SMG6: variants seen among roughly 807,000 people sequenced by gnomAD.
The protein encoded by SMG6 is telomerase-binding protein EST1A.
In SMG6, 66 loss-of-function variants were observed where a neutral mutation model predicts 142.2. The ratio of observed to expected loss-of-function variants is 0.46; its 90% CI spans 0.38 to 0.57. SMG6 has a LOEUF of 0.57. Ranked by LOEUF, SMG6 falls within the 20% of genes least tolerant of loss-of-function variation. The pLI is 0.00. For missense variants in SMG6, 1,793 were observed against 1,832.0 expected (o/e 0.98, Z 0.39); for synonymous variants, 779 against 702.4 (o/e 1.11, Z -1.72).
At chr17:2,230,750 G>A (rs2073467135) in intron 10 of SMG6, among the ~76,000 whole-genome samples, 1 of 152,190 alleles carries the variant, frequency 6.6e-6, no homozygotes, top group Non-Finnish European at 1.5e-5. Flanking sequence ...GGGAAAGAGG[G>A]CAGAGCTGAA....
Position 2,299,475 on chromosome 17 carries a change from C to T in SMG6, c.1278G>A (p.Glu426=). 1 of 1,614,160 alleles carries T rather than the reference C, an allele frequency of 6.2e-7. No individual in the cohort carries two copies. Among genetic ancestry groups the T allele is most frequent in the Non-Finnish European group, 8.5e-7 (1 of 1,180,032 alleles). The part of the protein sequence containing the change: ...TLSVNSAGSP[E]SAPLGPRLLF... Reference sequence around the variant, plus strand: ...AAAGCCGAGGTCCCAAAGGCGCGGACTCTGGAGAACCTGCTGAATTGACAG... The same window carrying T: ...AAAGCCGAGGTCCCAAAGGCGCGGATTCTGGAGAACCTGCTGAATTGACAG... Residue 426 remains glutamate (E), a synonymous_variant, in exon 2 of 19, where the codon GAG becomes GAA. Transcript: ENST00000263073. This position sits in a 1 kb window ranked among gnomAD's most constrained non-coding sequence, Gnocchi z 4.3.
At chr17:2,137,358 C>A (rs909070248) in intron 13 of SMG6, among the ~76,000 whole-genome samples, 1 of 152,106 alleles carries the variant, frequency 6.6e-6, no homozygotes, top group Non-Finnish European at 1.5e-5. Flanking sequence ...AGAACAAACA[C>A]CCTAACCTTG....
At chr17:2,088,452 G>C in intron 13 of SMG6, 1 of 985,398 alleles carries the variant, frequency 1.0e-6, no homozygotes, top group African/African-American at 1.7e-5. Context: ...GCCCCATTTA[G>C]AAGGAAATTG....
chr17:2,086,539 A>C (rs2068565816), intron 13 of SMG6, among the ~76,000 whole-genome samples: 1 of 152,176 alleles, frequency 6.6e-6, no homozygotes. Context: ...GTTTCACCAA[A>C]GCTATACTCT....
chr17:2,094,392 C>T (rs568801471), intron 13 of SMG6, among the ~76,000 whole-genome samples: 2 of 152,286 alleles, frequency 1.3e-5, no homozygotes, highest in African/African-American at 2.4e-5. Flanking sequence ...GCACGTGCCA[C>T]CACACCCAGC....
chr17:2,303,131 C>T (rs1236185507), intron 1 of SMG6: 53 of 985,448 alleles, frequency 5.4e-5, no homozygotes, highest in Non-Finnish European at 6.4e-5. Flanking sequence ...CGGATCCCTC[C>T]AGTGGCGCAG....
At position 2,299,989 on chromosome 17, in the gene SMG6, C is replaced by CGGTAGCGATTCCTT; in HGVS notation, c.750_763dup (p.Arg255GlnfsTer24). On this transcript the variant is annotated frameshift_variant, in exon 2 of 19. Coordinates refer to ENST00000263073, the MANE Select transcript of SMG6 (RefSeq NM_017575.5). LOFTEE classifies it high-confidence loss of function. The surrounding 1 kb of genome is among the most constrained non-coding windows in gnomAD (Gnocchi z 4.3). ...GCCAGCTGAGCTGGTGCTGCGCGTG[C>CGGTAGCGATTCCTT]GGTAGCGATTCCTTCGTTTGTCTGA... The CGGTAGCGATTCCTT allele has an allele frequency of 6.2e-7, 1 of 1,614,082 alleles. No individual in the cohort carries two copies. The highest frequency in any genetic ancestry group is 2.2e-5 in the East Asian group (1 of 44,888).
chr17:2,080,633 C>T (rs2068391792), intron 15 of SMG6, among the ~76,000 whole-genome samples: 1 of 151,398 alleles, frequency 6.6e-6, no homozygotes, highest in South Asian at 2.1e-4. Flanking sequence ...GCACTTTTTT[C>T]TTTTTTCTTT....
intron 10 of SMG6, among the ~76,000 whole-genome samples, chr17:2,222,867 A>G (rs1803892552): frequency 6.6e-6 from 1 of 152,170 alleles, no homozygotes. Context: ...ATGGCCTACA[A>G]CTGTATCCCT....
At chr17:2,257,737 G>A (rs2074215757) in intron 8 of SMG6, among the ~76,000 whole-genome samples, 1 of 151,920 alleles carries the variant, frequency 6.6e-6, no homozygotes, top group African/African-American at 2.4e-5. Flanking sequence ...AAATTTTCCT[G>A]GCTGGGCCTG....
chr17:2,210,290 T>TC (rs939582562), intron 10 of SMG6, among the ~76,000 whole-genome samples: 2 of 151,296 alleles, frequency 1.3e-5, no homozygotes, highest in African/African-American at 4.9e-5. Context: ...TCTTTTCTTT[T>TC]TTTTTTTTTT....
chr17:2,188,066 GA>G (rs1238507899), intron 11 of SMG6, among the ~76,000 whole-genome samples: 3 of 152,126 alleles, frequency 2.0e-5, no homozygotes, highest in African/African-American at 7.2e-5. Context: ...AGATAAAGGG[GA>G]AAACACAACG....
chr17:2,170,042 C>T (rs769113258), intron 13 of SMG6, among the ~76,000 whole-genome samples: 1 of 152,072 alleles, frequency 6.6e-6, no homozygotes, highest in Admixed American at 6.5e-5. Flanking sequence ...ACACAAGCAG[C>T]CCAAAAATCA....
At chr17:2,267,134 T>C (rs542608154) in intron 8 of SMG6, among the ~76,000 whole-genome samples, 12 of 152,300 alleles carry the variant, frequency 7.9e-5, no homozygotes, top group African/African-American at 2.2e-4. Context: ...TACAAAAGCA[T>C]AGGACTAATT....
intron 13 of SMG6, among the ~76,000 whole-genome samples, chr17:2,133,042 T>TA (rs2070175997): frequency 1.3e-5 from 2 of 152,080 alleles, no homozygotes; most frequent in Admixed American, 6.6e-5. Context: ...GCCAGGAGTT[T>TA]GAGACCAGCC....
chr17:2,295,186 T>A (rs893946738), intron 4 of SMG6, among the ~76,000 whole-genome samples: 3 of 152,100 alleles, frequency 2.0e-5, no homozygotes, highest in African/African-American at 7.2e-5. Context: ...CAAAAACATC[T>A]GTCCATCAGT....
intron 13 of SMG6, among the ~76,000 whole-genome samples, chr17:2,111,650 G>A (rs1001076626): frequency 1.3e-5 from 2 of 152,198 alleles, no homozygotes; most frequent in East Asian, 1.9e-4. Flanking sequence ...GGGATCCTCC[G>A]GCCTTGGCCT....
chr17:2,303,291 C>A (rs1346517529), intron 1 of SMG6: 68 of 1,101,686 alleles, frequency 6.2e-5, no homozygotes, highest in Non-Finnish European at 7.4e-5. Context: ...CCCGGGGCCT[C>A]CACCAGACCC....
chr17:2,253,948 G>T (rs953741932), intron 8 of SMG6, among the ~76,000 whole-genome samples: 1 of 152,196 alleles, frequency 6.6e-6, no homozygotes, highest in Non-Finnish European at 1.5e-5. Flanking sequence ...GCTCCTGGAC[G>T]TTTCCCAAAA....
Sources: allele counts gnomAD v4.1 joint callset (sites outside exome capture counted in the v4.1 genomes callset), GRCh38; gene constraint gnomAD v4.1.1; non-coding constraint Gnocchi (gnomAD v3.1); transcripts MANE v1.5; gene names NCBI Gene and HGNC (gene_info 2026-07-23, HGNC 2026-07-21).